Variants in DAG1 observed in about 807,000 individuals in gnomAD.
DAG1 encodes the protein dystroglycan 1 (dystrophin-associated glycoprotein 1).
A neutral mutation model predicts 46.1 loss-of-function variants in DAG1; 8 were observed. The observed-to-expected ratio is 0.17, with a 90% CI of 0.10 to 0.31. The LOEUF is 0.31. Among genes scored for constraint, DAG1 ranks in the 10% least tolerant of loss-of-function variants. DAG1 has a pLI of 1.00. For missense variants in DAG1, 1,003 were observed against 1,189.9 expected, an observed-to-expected ratio of 0.84 and a Z score of 2.31; for synonymous variants, 495 against 481.8, an observed-to-expected ratio of 1.03 and a Z score of -0.36.
chr3:49,532,032 T>C lies in DAG1; in HGVS notation c.1521T>C (p.Asp507=). 6.2e-7 allele frequency: 1 copy of C among 1,614,194 alleles called. No individual in the cohort carries two copies. The highest frequency in any genetic ancestry group is 2.2e-5 in the East Asian group (1 of 44,886). Residue 507 remains aspartate (D), a synonymous_variant, in exon 3 of 3, where the codon GAT becomes GAC. Coordinates refer to ENST00000308775, the MANE Select transcript of DAG1 (RefSeq NM_004393.6). This position sits in a 1 kb window ranked among gnomAD's most constrained non-coding sequence, Gnocchi z 5.4. ...PELKNHIDRV[D]AWVGTYFEVK... ...TCAAGAACCATATTGACAGGGTAGA[T>C]GCCTGGGTTGGCACCTACTTTGAGG...
intron 2 of DAG1, among the ~76,000 whole-genome samples, chr3:49,530,302 C>T (rs1036808544): frequency 6.6e-6 from 1 of 152,154 alleles, no homozygotes; most frequent in Non-Finnish European, 1.5e-5. Flanking sequence ...TGTGCATCTC[C>T]ACTTTGGGGC....
At chr3:49,530,659 G>T (rs2051313626) in intron 2 of DAG1, 138 bp from the exon 3 acceptor site, 2 of 1,229,284 alleles carry the variant, frequency 1.6e-6, no homozygotes, top group African/African-American at 1.5e-5. Context: ...GTCTCTCTAG[G>T]GGGGAGGAAT....
chr3:49,493,831 C>T (rs1247611221), intron 1 of DAG1, among the ~76,000 whole-genome samples: 1 of 152,212 alleles, frequency 6.6e-6, no homozygotes. Context: ...ATGTGGTGGG[C>T]ATCCCTGTCC....
At chr3:49,526,030 T>G (rs940893584) in intron 2 of DAG1, among the ~76,000 whole-genome samples, 1 of 152,094 alleles carries the variant, frequency 6.6e-6, no homozygotes, top group African/African-American at 2.4e-5. Context: ...TTCGTATTTT[T>G]AGTAGAGACA....
intron 1 of DAG1, among the ~76,000 whole-genome samples, chr3:49,507,350 G>A (rs2107608302): frequency 6.6e-6 from 1 of 152,214 alleles, no homozygotes; most frequent in Middle Eastern, 3.4e-3. Flanking sequence ...ATCACCTGAG[G>A]TCAGGAGTTC....
chr3:49,527,057 A>G (rs1243399682), intron 2 of DAG1, among the ~76,000 whole-genome samples: 1 of 152,202 alleles, frequency 6.6e-6, no homozygotes, highest in Non-Finnish European at 1.5e-5. Context: ...CCAGGCTGGG[A>G]AGCCTTGAGA....
rs569759821 is a variant in DAG1 at position 49,510,433 on chromosome 3, G to A, written c.-102G>A. 151 of 1,128,702 alleles carry A rather than the reference G, an allele frequency of 1.3e-4. 1 individual carries two copies. The highest frequency in any genetic ancestry group is 5.6e-4 in the Middle Eastern group (2 of 3,550). 69.9% of individuals were successfully genotyped at this position (1,128,702 alleles called of 1,614,324 possible). A position where few individuals can be genotyped will look rare whatever the true frequency, so the allele number is the denominator to read the frequency against. On this transcript the variant is annotated 5_prime_UTR_variant, in exon 2 of 3. Coordinates refer to ENST00000308775, the MANE Select transcript of DAG1 (RefSeq NM_004393.6). ...TTTTTTTTCAGGCTCTGTGTGCTCC[G>A]GGATGGAGCAGGTGTGCAGAGGGTG... is the stretch of plus-strand genomic sequence containing the variant.
chr3:49,512,539 G>A (rs1410808375), intron 2 of DAG1, among the ~76,000 whole-genome samples: 2 of 151,430 alleles, frequency 1.3e-5, no homozygotes, highest in African/African-American at 2.4e-5. Flanking sequence ...TTACAGGTGC[G>A]CACCACCATG....
At chr3:49,480,844 C>T (rs1575343737) in intron 1 of DAG1, among the ~76,000 whole-genome samples, 1 of 127,712 alleles carries the variant, frequency 7.8e-6, no homozygotes, top group Non-Finnish European at 1.8e-5. Flanking sequence ...TCACTGCAAG[C>T]TCCGCCTCCC....
chr3:49,509,062 C>T (rs1054439687), intron 1 of DAG1, among the ~76,000 whole-genome samples: 9 of 152,146 alleles, frequency 5.9e-5, no homozygotes, highest in African/African-American at 2.2e-4. Flanking sequence ...ATCCCATTTC[C>T]AGTTTACACG....
chr3:49,485,211 G>T (rs1178146471), intron 1 of DAG1, among the ~76,000 whole-genome samples: 1 of 151,816 alleles, frequency 6.6e-6, no homozygotes, highest in African/African-American at 2.4e-5. Context: ...TCCTGACCTC[G>T]TGATCTGCCC....
intron 2 of DAG1, among the ~76,000 whole-genome samples, chr3:49,523,592 G>A (rs921194728): frequency 1.3e-5 from 2 of 152,124 alleles, no homozygotes; most frequent in African/African-American, 4.8e-5. Flanking sequence ...TACCTTAGAT[G>A]CTTTGAGCTT....
chr3:49,514,058 G>A (rs2050829314), intron 2 of DAG1, among the ~76,000 whole-genome samples: 1 of 152,140 alleles, frequency 6.6e-6, no homozygotes, highest in Non-Finnish European at 1.5e-5. Context: ...TGAGAAAACA[G>A]GATTTTATCT....
chr3:49,490,026 C>G (rs2050139532), intron 1 of DAG1, among the ~76,000 whole-genome samples: 1 of 152,142 alleles, frequency 6.6e-6, no homozygotes. Flanking sequence ...GGGGCTTGGA[C>G]CATGACCCGT....
chr3:49,469,704 C>T (rs2049455704), upstream of DAG1, among the ~76,000 whole-genome samples: 1 of 152,210 alleles, frequency 6.6e-6, no homozygotes, highest in Admixed American at 6.5e-5. Flanking sequence ...AGTCTCCCAT[C>T]CGTGTAAGGG....
rs775568320 is a variant in DAG1 at position 49,532,043 on chromosome 3, G to A, written c.1532G>A (p.Gly511Asp). Residue 511 changes from glycine to aspartate, a missense_variant, in exon 3 of 3, where the codon GGC becomes GAC. Physicochemically the swap from Gly to Asp is moderately conservative, Grantham distance 94. Transcript: ENST00000308775. The surrounding 1 kb of genome is among the most constrained non-coding windows in gnomAD (Gnocchi z 5.4). ...ATTGACAGGGTAGATGCCTGGGTTG[G>A]CACCTACTTTGAGGTGAAGATCCCG... is the stretch of plus-strand genomic sequence containing the variant. ...NHIDRVDAWVGTYFEVKIPSD... is the reference protein window; with the variant it reads ...NHIDRVDAWVDTYFEVKIPSD... The A allele has an allele frequency of 3.1e-6, 5 of 1,614,198 alleles. No homozygotes were observed. The Admixed American group carries it at 5.0e-5, about 16-fold the overall frequency.
chr3:49,490,092 G>C (rs1216069416), intron 1 of DAG1, among the ~76,000 whole-genome samples: 3 of 152,076 alleles, frequency 2.0e-5, no homozygotes, highest in Admixed American at 6.6e-5. Context: ...GGTGGCTTAC[G>C]CCTGTAATCC....
intron 2 of DAG1, among the ~76,000 whole-genome samples, chr3:49,515,341 G>C (rs2050869697): frequency 6.9e-6 from 1 of 145,088 alleles, no homozygotes; most frequent in Non-Finnish European, 1.5e-5. Context: ...GTCATTAAAT[G>C]TTATGTGGGA....
At chr3:49,483,547 G>A (rs868038909) in intron 1 of DAG1, among the ~76,000 whole-genome samples, 19 of 152,068 alleles carry the variant, frequency 1.2e-4, no homozygotes, top group African/African-American at 3.6e-4. Flanking sequence ...TCAGGGATAC[G>A]TTGCCGTCTA....
Sources: allele counts gnomAD v4.1 joint callset (sites outside exome capture counted in the v4.1 genomes callset), GRCh38; gene constraint gnomAD v4.1.1; non-coding constraint Gnocchi (gnomAD v3.1); transcripts MANE v1.5; gene names NCBI Gene and HGNC (gene_info 2026-07-23, HGNC 2026-07-21).